The following PCDHGA4 variants were observed in gnomAD, a reference collection of about 807,000 sequenced individuals.
PCDHGA4 encodes the protein protocadherin gamma subfamily A, 4, also known as protocadherin gamma-A4.
In PCDHGA4, 38 loss-of-function variants were observed where a neutral mutation model predicts 54.6. The observed-to-expected ratio is 0.70, with a 90% CI of 0.54 to 0.91. The LOEUF (loss-of-function observed/expected upper bound fraction) is 0.91. Ranked by LOEUF, PCDHGA4 falls within the 40% of genes least tolerant of loss-of-function variation. The pLI, the probability that PCDHGA4 is intolerant of heterozygous loss-of-function variation, is 0.00. For synonymous variants in PCDHGA4, 511 were observed against 512.9 expected (o/e 1.00, Z 0.05); for missense variants, 1,298 against 1,220.9 (o/e 1.06, Z -0.94).
At chr5:141,470,132 A>G (rs1411735203) in intron 1 of PCDHGA4, among the ~76,000 whole-genome samples, 1 of 151,586 alleles carries the variant, frequency 6.6e-6, no homozygotes, top group East Asian at 1.9e-4. Context: ...TCGTCTCAAA[A>G]AAAAAGATCA....
At chr5:141,470,485 GAAT>G (rs2099231720) in intron 1 of PCDHGA4, among the ~76,000 whole-genome samples, 1 of 152,074 alleles carries the variant, frequency 6.6e-6, no homozygotes, top group Admixed American at 6.6e-5. Context: ...AACCCTCTGG[GAAT>G]AATATTAGGT....
At chr5:141,430,873 G>T in intron 1 of PCDHGA4, 5 of 1,598,960 alleles carry the variant, frequency 3.1e-6, no homozygotes, top group Non-Finnish European at 4.3e-6. Flanking sequence ...TTCCGGAAGA[G>T]CTGGAGAAAG....
chr5:141,507,559 G>T (rs542787142), intron 3 of PCDHGA4, among the ~76,000 whole-genome samples: 1 of 152,368 alleles, frequency 6.6e-6, no homozygotes, highest in African/African-American at 2.4e-5. Flanking sequence ...GTGGCAGGCG[G>T]CTGGGTCTGA....
At position 141,485,632 on chromosome 5, in the gene PCDHGA4, G is replaced by C; in HGVS notation, c.2515-9175G>C. 6.2e-7 allele frequency: 1 copy of C among 1,611,766 alleles called. No individual in the cohort carries two copies. The highest frequency in any genetic ancestry group is 8.5e-7 in the Non-Finnish European group (1 of 1,178,342). ...CAGCTCCTCCAGGACAGCGTTTCCC[G>C]TTGGAAAAGGCTCAGGATGCAGATG... is the stretch of plus-strand genomic sequence containing the variant. On this transcript the variant is annotated intron_variant, in intron 1 of 3. Coordinates refer to ENST00000571252, the MANE Select transcript of PCDHGA4 (RefSeq NM_018917.4). This position sits in a 1 kb window ranked among gnomAD's most constrained non-coding sequence, Gnocchi z 5.7.
Position 141,469,939 on chromosome 5 carries a change from T to G in PCDHGA4, c.2515-24868T>G, listed in dbSNP as rs1376169822. Among the ~76,000 whole-genome samples, 3 of 152,186 alleles carry G rather than the reference T, an allele frequency of 2.0e-5. No individual in the cohort carries two copies. The East Asian group carries it at 5.8e-4, about 29-fold the overall frequency. On this transcript the variant is annotated intron_variant, in intron 1 of 3. Transcript: ENST00000571252. ...CGAGGTCAGGAGTTTGAGACCAGCC[T>G]GGCCAGCATGGTGAAACCCCATCTG...
intron 3 of PCDHGA4, 96 bp downstream of exon 3, chr5:141,505,577 G>C: frequency 2.5e-6 from 4 of 1,589,854 alleles, no homozygotes; most frequent in Non-Finnish European, 3.4e-6. Flanking sequence ...TGTCAAACCT[G>C]TGTAGTTTCT....
Position 141,431,697 on chromosome 5 carries a change from G to A in PCDHGA4, c.2515-63110G>A. The A allele has an allele frequency of 6.2e-7, 1 of 1,614,206 alleles. No homozygotes were observed. Among genetic ancestry groups the A allele is most frequent in the South Asian group, 1.1e-5 (1 of 91,084 alleles). On this transcript the variant is annotated intron_variant, in intron 1 of 3. Transcript: ENST00000571252. This position sits in a 1 kb window ranked among gnomAD's most constrained non-coding sequence, Gnocchi z 4.8. Reference sequence around the variant, plus strand: ...GGGGAGTTGGACCACGAGGAGTCAGGATTCTACCAGATGGAAGTGCAAGCA... The same window carrying A: ...GGGGAGTTGGACCACGAGGAGTCAGAATTCTACCAGATGGAAGTGCAAGCA...
At chr5:141,459,300 A>G (rs954766370) in intron 1 of PCDHGA4, among the ~76,000 whole-genome samples, 2 of 152,202 alleles carry the variant, frequency 1.3e-5, no homozygotes, top group Non-Finnish European at 2.9e-5. Context: ...ATCCTATAAC[A>G]TATACTATTT....
chr5:141,491,955 A>T lies in PCDHGA4; in HGVS notation c.2515-2852A>T. Reference sequence around the variant, plus strand: ...GGGACCGACCCCCACCCCTACACTCAAAAAAGGCCGGGGCCTCCTTCGAGC... The same window carrying T: ...GGGACCGACCCCCACCCCTACACTCTAAAAAGGCCGGGGCCTCCTTCGAGC... On this transcript the variant is annotated intron_variant, in intron 1 of 3. Coordinates refer to ENST00000571252, the MANE Select transcript of PCDHGA4 (RefSeq NM_018917.4). This position sits in a 1 kb window ranked among gnomAD's most constrained non-coding sequence, Gnocchi z 6.9. 9.7e-7 allele frequency: 1 copy of T among 1,029,648 alleles called. No homozygotes were observed. The highest frequency in any genetic ancestry group is 2.2e-5 in the South Asian group (1 of 44,530). The allele number at this position is 1,029,648 out of a possible 1,614,324, so 63.8% of individuals were successfully genotyped here. A position where few individuals can be genotyped will look rare whatever the true frequency, so the allele number is the denominator to read the frequency against.
In PCDHGA4 at chr5:141,383,069, G is replaced by T; in HGVS notation, c.2514+25448G>T. ...GCCAAGGACCTGGGGCTGGAGCCCC[G>T]GGAGCTGGCGGAGCGCGGAGTCCGC... On this transcript the variant is annotated intron_variant, in intron 1 of 3. Coordinates refer to ENST00000571252, the MANE Select transcript of PCDHGA4 (RefSeq NM_018917.4). The T allele has an allele frequency of 6.2e-7, 1 of 1,613,886 alleles. No homozygotes were observed. The highest frequency in any genetic ancestry group is 8.5e-7 in the Non-Finnish European group (1 of 1,179,902).
chr5:141,428,067 G>GC, intron 1 of PCDHGA4: 2 of 1,609,228 alleles, frequency 1.2e-6, no homozygotes, highest in Non-Finnish European at 1.7e-6. Context: ...GGTGGACGCA[G>GC]ATTCGGGACA....
At chr5:141,484,878 G>C (rs2099602522) in intron 1 of PCDHGA4, 1 of 341,888 alleles carries the variant, frequency 2.9e-6, no homozygotes, top group Non-Finnish European at 5.3e-6. Flanking sequence ...TGGAGGATAG[G>C]GTGGGCTTTT....
chr5:141,408,358 G>C, intron 1 of PCDHGA4: 1 of 1,613,952 alleles, frequency 6.2e-7, no homozygotes, highest in South Asian at 1.1e-5. Context: ...ACCTCGCTAA[G>C]GATCTAGGGC....
chr5:141,483,736 G>A (rs1296877404), intron 1 of PCDHGA4, among the ~76,000 whole-genome samples: 1 of 152,110 alleles, frequency 6.6e-6, no homozygotes, highest in Non-Finnish European at 1.5e-5. Flanking sequence ...ATAGTCAAAA[G>A]GATATTCCTG....
rs2099404338 is a variant in PCDHGA4, at chr5:141,477,060, C to T, written c.2515-17747C>T. On this transcript the variant is annotated intron_variant, in intron 1 of 3. Coordinates refer to ENST00000571252, the MANE Select transcript of PCDHGA4 (RefSeq NM_018917.4). This position sits in a 1 kb window ranked among gnomAD's most constrained non-coding sequence, Gnocchi z 4.9. Reference sequence around the variant, plus strand: ...AAGGGTCGGCTGGACTTCGAGGACACCAAACTCCATGAGATTTACATCCAG... The same window carrying T: ...AAGGGTCGGCTGGACTTCGAGGACATCAAACTCCATGAGATTTACATCCAG... 3.7e-6 allele frequency: 6 copies of T among 1,614,256 alleles called. No individual in the cohort carries two copies. The highest frequency in any genetic ancestry group is 5.1e-6 in the Non-Finnish European group (6 of 1,180,046).
chr5:141,374,215 C>A (rs770866531), intron 1 of PCDHGA4: 22 of 1,613,838 alleles, frequency 1.4e-5, no homozygotes, highest in South Asian at 8.8e-5. Context: ...AAGGCTCCTT[C>A]GTAGGCAACA....
chr5:141,373,525 A>G (rs1404075299), intron 1 of PCDHGA4, among the ~76,000 whole-genome samples: 1 of 152,222 alleles, frequency 6.6e-6, no homozygotes, highest in Non-Finnish European at 1.5e-5. Flanking sequence ...TTTGTCTCCA[A>G]AAAAGTGTTT....
Position 141,490,760 on chromosome 5 carries a change from T to G in PCDHGA4, c.2515-4047T>G. 1 of 1,614,070 alleles carries G rather than the reference T, an allele frequency of 6.2e-7. No individual in the cohort carries two copies. On this transcript the variant is annotated intron_variant, in intron 1 of 3. Coordinates refer to ENST00000571252, the MANE Select transcript of PCDHGA4 (RefSeq NM_018917.4). This position sits in a 1 kb window ranked among gnomAD's most constrained non-coding sequence, Gnocchi z 5.4. Reference sequence around the variant, plus strand: ...CAGGGAGCCCCAGCCTCCTCCTTTGTGTATGTCAACCCAGAGGATGGACGG... The same window carrying G: ...CAGGGAGCCCCAGCCTCCTCCTTTGGGTATGTCAACCCAGAGGATGGACGG...
intron 1 of PCDHGA4, chr5:141,419,333 A>T (rs1219255880): frequency 6.2e-7 from 1 of 1,613,804 alleles, no homozygotes; most frequent in South Asian, 1.1e-5. Context: ...CTACTCTCTC[A>T]TTGCCAGCGA....
Sources: allele counts gnomAD v4.1 joint callset (sites outside exome capture counted in the v4.1 genomes callset), GRCh38; gene constraint gnomAD v4.1.1; non-coding constraint Gnocchi (gnomAD v3.1); transcripts MANE v1.5; gene names NCBI Gene and HGNC (gene_info 2026-07-23, HGNC 2026-07-21).